Variants in TMEM132D observed in about 807,000 individuals in gnomAD.
TMEM132D encodes the protein mature OL transmembrane protein.
In TMEM132D, 21 loss-of-function variants were observed where a neutral mutation model predicts 62.3. That is an observed-to-expected ratio of 0.34 (90% CI 0.24 to 0.49). TMEM132D has a LOEUF of 0.49. TMEM132D is among the 20% of genes least tolerant of loss of function. The probability of loss-of-function intolerance (pLI) is 0.99; values close to 1 mark genes in which losing one functional copy is unlikely to be tolerated. For missense variants in TMEM132D, 1,346 were observed against 1,402.8 expected (o/e 0.96, Z 0.65); for synonymous variants, 621 against 575.6 (o/e 1.08, Z -1.13).
intron 1 of TMEM132D, among the ~76,000 whole-genome samples, chr12:129,885,508 C>T (rs1028099596): frequency 6.6e-6 from 1 of 152,168 alleles, no homozygotes; most frequent in Admixed American, 6.5e-5. Flanking sequence ...TGGTCTACAC[C>T]GTGGCTCAGG....
chr12:129,452,137 C>G lies in TMEM132D; in HGVS notation c.1115+78922G>C, dbSNP rs777683493. Among the ~76,000 whole-genome samples, 9 of 152,266 alleles carry G rather than the reference C, an allele frequency of 5.9e-5. No homozygotes were observed. In the South Asian group the frequency reaches 1.9e-3, roughly 32 times the overall value. The stretch of plus-strand genomic sequence containing the variant: ...ATGCAGGAATCATGATAGATGATAC[C>G]TTTACACCGTTCCATCTGGCCCACT... On this transcript the variant is annotated intron_variant, in intron 3 of 8. Transcript: ENST00000422113.
At chr12:129,607,027 CTG>C (rs1373553699) in intron 2 of TMEM132D, among the ~76,000 whole-genome samples, 2 of 151,648 alleles carry the variant, frequency 1.3e-5, no homozygotes, top group African/African-American at 4.8e-5. Context: ...GTTCTCATCT[CTG>C]TGTCTCCACT....
At chr12:129,262,159 C>T (rs781001154) in intron 4 of TMEM132D, among the ~76,000 whole-genome samples, 19 of 152,042 alleles carry the variant, frequency 1.2e-4, no homozygotes, top group Admixed American at 3.3e-4. Flanking sequence ...AAGGGATGCA[C>T]CGATAAAGCA....
chr12:129,901,861 A>T (rs991851211), intron 1 of TMEM132D, among the ~76,000 whole-genome samples: 1 of 129,592 alleles, frequency 7.7e-6, no homozygotes, highest in African/African-American at 3.0e-5. Flanking sequence ...GTGAGAACCA[A>T]CCCCCCCCGC....
At chr12:129,238,996 G>GTTTTTTTTTTTTTTTTT (rs1555240386) in intron 4 of TMEM132D, among the ~76,000 whole-genome samples, 1 of 133,046 alleles carries the variant, frequency 7.5e-6, no homozygotes, top group African/African-American at 2.8e-5. Context: ...GTTATTTTCT[G>GTTTTTTTTTTTTTTTTT]TTTTTTTTTT....
At chr12:129,126,602 G>A (rs1432445987) in intron 5 of TMEM132D, among the ~76,000 whole-genome samples, 1 of 152,142 alleles carries the variant, frequency 6.6e-6, no homozygotes, top group Non-Finnish European at 1.5e-5. Flanking sequence ...GTGCCATCAG[G>A]GTGGGGGGTG....
intron 1 of TMEM132D, among the ~76,000 whole-genome samples, chr12:129,749,176 A>G (rs67372775): frequency 0.031 from 4,786 of 152,242 alleles, 100 homozygotes; most frequent in Non-Finnish European, 0.047. Context: ...ATGCTAATTG[A>G]CTCTGCATAC....
intron 2 of TMEM132D, among the ~76,000 whole-genome samples, chr12:129,558,440 T>C (rs1877122082): frequency 6.6e-6 from 1 of 152,104 alleles, no homozygotes; most frequent in African/African-American, 2.4e-5. Context: ...TAGAAACCAC[T>C]GGCAAGCAAG....
chr12:129,126,552 A>C (rs986352929), intron 5 of TMEM132D, among the ~76,000 whole-genome samples: 1 of 152,128 alleles, frequency 6.6e-6, no homozygotes, highest in African/African-American at 2.4e-5. Flanking sequence ...TCCCATCTGC[A>C]TTGGAGGGAT....
chr12:129,138,645 C>A (rs113082656), intron 5 of TMEM132D, among the ~76,000 whole-genome samples: 26 of 152,252 alleles, frequency 1.7e-4, no homozygotes, highest in African/African-American at 6.3e-4. Context: ...TGCTTGAACC[C>A]GGGAGGCAAA....
intron 5 of TMEM132D, among the ~76,000 whole-genome samples, chr12:129,096,922 G>A (rs921436827): frequency 6.1e-5 from 9 of 147,646 alleles, no homozygotes; most frequent in East Asian, 4.0e-4. Flanking sequence ...TAATGCATTC[G>A]GTGAATGTTC....
intron 3 of TMEM132D, among the ~76,000 whole-genome samples, chr12:129,498,415 A>G (rs1019697002): frequency 1.3e-5 from 2 of 151,938 alleles, no homozygotes; most frequent in Non-Finnish European, 2.9e-5. Context: ...CACCACCCTC[A>G]GCTAATTTTT....
chr12:129,817,994 TGTAA>T (rs1041629089), intron 1 of TMEM132D, among the ~76,000 whole-genome samples: 6 of 146,998 alleles, frequency 4.1e-5, no homozygotes, highest in Middle Eastern at 3.8e-3. Flanking sequence ...GTGTGTGTGG[TGTAA>T]GTGTGTGTGT....
rs374959544 is a variant in TMEM132D, at chr12:129,238,996, G to GGTTTTTTTTTTTTTTTTTTTTT, written c.1300-29334_1300-29333insAAAAAAAAAAAAAAAAAAAAAC. 2.3e-5 allele frequency among the ~76,000 whole-genome samples: 3 copies of GGTTTTTTTTTTTTTTTTTTTTT among 133,046 alleles called. 1 individual carries two copies. Among genetic ancestry groups the GGTTTTTTTTTTTTTTTTTTTTT allele is most frequent in the Non-Finnish European group, 1.6e-5 (1 of 62,306 alleles). 87.3% of individuals were successfully genotyped at this position (133,046 alleles called of 152,430 possible). ...TCCTCATCAACATTTGTTATTTTCT[G>GGTTTTTTTTTTTTTTTTTTTTT]TTTTTTTTTTTTTTTTGGACAGTAA... On this transcript the variant is annotated intron_variant, in intron 4 of 8. Coordinates refer to ENST00000422113, the MANE Select transcript of TMEM132D (RefSeq NM_133448.3).
chr12:129,221,175 TGCCTATTCTTTCTCCTCACCTGACACG>T (rs1879336345), intron 4 of TMEM132D, among the ~76,000 whole-genome samples: 1 of 152,192 alleles, frequency 6.6e-6, no homozygotes, highest in African/African-American at 2.4e-5. Context: ...CATGTTCAAT[TGCCTATTCTTTCTCCTCACCTGACACG>T]GCCACCAAGG....
chr12:129,556,366 G>A (rs978601351), intron 2 of TMEM132D, among the ~76,000 whole-genome samples: 1 of 152,052 alleles, frequency 6.6e-6, no homozygotes. Flanking sequence ...GGCAGGTCCC[G>A]AAGACTCTGC....
intron 5 of TMEM132D, among the ~76,000 whole-genome samples, chr12:129,171,400 CAACT>C (rs1384282775): frequency 6.6e-6 from 1 of 152,188 alleles, no homozygotes; most frequent in African/African-American, 2.4e-5. Flanking sequence ...GGGCTGGAAA[CAACT>C]AAGTTCTTCC....
intron 1 of TMEM132D, among the ~76,000 whole-genome samples, chr12:129,783,726 T>C (rs1871182697): frequency 1.3e-5 from 2 of 152,208 alleles, no homozygotes; most frequent in African/African-American, 4.8e-5. Context: ...TTATGGAAAA[T>C]GAAGACAGTG....
chr12:129,340,950 A>G (rs1043680957), intron 3 of TMEM132D, among the ~76,000 whole-genome samples: 2 of 152,204 alleles, frequency 1.3e-5, no homozygotes, highest in African/African-American at 4.8e-5. Flanking sequence ...TGAGTTCCCC[A>G]ATAGTTCATC....
Sources: allele counts gnomAD v4.1 joint callset (sites outside exome capture counted in the v4.1 genomes callset), GRCh38; gene constraint gnomAD v4.1.1; transcripts MANE v1.5; gene names NCBI Gene and HGNC (gene_info 2026-07-23, HGNC 2026-07-21).